SYTL3: variants seen among roughly 807,000 people sequenced by gnomAD.
The protein encoded by SYTL3 is synaptotagmin like 3.
SYTL3 carries 88 observed loss-of-function variants against 82.1 expected under a neutral mutation model. The observed-to-expected ratio is 1.07, with a 90% CI of 0.90 to 1.28. SYTL3 has a LOEUF of 1.28. Among genes scored for constraint, SYTL3 ranks in the 50% most tolerant of loss-of-function variants. The pLI, the probability that SYTL3 is intolerant of heterozygous loss-of-function variation, is 0.00. For synonymous variants in SYTL3, 311 were observed against 289.4 expected, an observed-to-expected ratio of 1.07 and a Z score of -0.76; for missense variants, 831 against 757.6, an observed-to-expected ratio of 1.10 and a Z score of -1.14.
intron 8 of SYTL3, among the ~76,000 whole-genome samples, chr6:158,710,916 G>A (rs539164095): frequency 1.5e-4 from 23 of 152,232 alleles, no homozygotes; most frequent in Non-Finnish European, 3.1e-4. Flanking sequence ...GAGTAGCTGG[G>A]ATTACAGGCA....
At chr6:158,734,114 A>AG (rs1352721669) in intron 11 of SYTL3, among the ~76,000 whole-genome samples, 4 of 150,886 alleles carry the variant, frequency 2.7e-5, no homozygotes, top group Non-Finnish European at 5.9e-5. Flanking sequence ...AAAAAAAAAA[A>AG]AAGAAGCACC....
intron 5 of SYTL3, among the ~76,000 whole-genome samples, chr6:158,676,616 G>T (rs1163194412): frequency 6.6e-6 from 1 of 152,026 alleles, no homozygotes; most frequent in African/African-American, 2.4e-5. Context: ...GAGTGAACAG[G>T]CAACCTACAG....
intron 6 of SYTL3, among the ~76,000 whole-genome samples, chr6:158,694,026 C>T (rs534991105): frequency 5.9e-5 from 9 of 151,998 alleles, no homozygotes; most frequent in Admixed American, 3.9e-4. Flanking sequence ...GGATCCTATT[C>T]TTGAATATTT....
intron 6 of SYTL3, among the ~76,000 whole-genome samples, chr6:158,703,235 C>T (rs188256339): frequency 9.2e-5 from 14 of 152,016 alleles, no homozygotes; most frequent in African/African-American, 1.4e-4. Flanking sequence ...TGCTCCGCGC[C>T]GTGCCTGGCA....
At chr6:158,697,467 C>A (rs1050397124) in intron 6 of SYTL3, among the ~76,000 whole-genome samples, 1 of 151,858 alleles carries the variant, frequency 6.6e-6, no homozygotes, top group African/African-American at 2.4e-5. Context: ...GGGAAAGATT[C>A]ACGACATTGG....
At chr6:158,688,263 T>C (rs1583238019) in intron 6 of SYTL3, among the ~76,000 whole-genome samples, 1 of 152,166 alleles carries the variant, frequency 6.6e-6, no homozygotes, top group African/African-American at 2.4e-5. Flanking sequence ...TTGACATGTC[T>C]GTTTATTTTT....
chr6:158,758,789 C>T (rs190217892), intron 14 of SYTL3, among the ~76,000 whole-genome samples: 147 of 152,308 alleles, frequency 9.7e-4, no homozygotes, highest in Admixed American at 2.6e-3. Flanking sequence ...ACCCAAAACC[C>T]ACCTCCTCCA....
At chr6:158,692,628 G>A (rs377331931) in intron 6 of SYTL3, among the ~76,000 whole-genome samples, 1 of 151,906 alleles carries the variant, frequency 6.6e-6, no homozygotes, top group Non-Finnish European at 1.5e-5. Flanking sequence ...AAACACTCAG[G>A]CTCATGAATT....
intron 9 of SYTL3, among the ~76,000 whole-genome samples, chr6:158,715,281 G>A (rs552885730): frequency 8.5e-4 from 130 of 152,198 alleles, no homozygotes; most frequent in African/African-American, 3.1e-3. Flanking sequence ...TATAGAATCA[G>A]TGCCTTGGAG....
At chr6:158,756,001 G>A (rs1187789105) in intron 13 of SYTL3, among the ~76,000 whole-genome samples, 3 of 152,294 alleles carry the variant, frequency 2.0e-5, no homozygotes, top group African/African-American at 4.8e-5. Flanking sequence ...CATAGGGTGC[G>A]TGTGAAAGCT....
intron 17 of SYTL3, 54 bp downstream of exon 17, chr6:158,763,563 G>C: frequency 4.7e-6 from 7 of 1,492,564 alleles, no homozygotes; most frequent in Non-Finnish European, 6.5e-6. Context: ...ATCCTAATGG[G>C]TACCGTGCAA....
rs377532237 is a variant in SYTL3, at chr6:158,758,712, G to A, written c.1308+1331G>A. On this transcript the variant is annotated intron_variant, in intron 14 of 17. Coordinates refer to ENST00000611299, the MANE Select transcript of SYTL3 (RefSeq NM_001242394.2). Reference sequence around the variant, plus strand: ...TGCTGACTCCCCCAAGCTAGAGTCCGGGCTTAGACCTCCCCTTCCCAGTGC... The same window carrying A: ...TGCTGACTCCCCCAAGCTAGAGTCCAGGCTTAGACCTCCCCTTCCCAGTGC... Among the ~76,000 whole-genome samples, 52 of 152,126 alleles carry A rather than the reference G, an allele frequency of 3.4e-4. 1 individual carries two copies. In the East Asian group the frequency reaches 7.4e-3, roughly 22 times the overall value.
At chr6:158,709,317 C>T (rs113243987) in intron 8 of SYTL3, among the ~76,000 whole-genome samples, 7 of 152,272 alleles carry the variant, frequency 4.6e-5, no homozygotes, top group East Asian at 1.9e-4. Context: ...CGAACACTTG[C>T]GTTAGCCTAC....
chr6:158,692,257 CAAAAAAAAAAAAAAAAAAAAAAAAA>C lies in SYTL3; in HGVS notation c.394+9282_394+9306del, dbSNP rs571381475. On this transcript the variant is annotated intron_variant, in intron 6 of 17. Transcript: ENST00000611299. ...TGGGCGACAGAGCGAGACTCCGTCT[CAAAAAAAAAAAAAAAAAAAAAAAAA>C]AAAAAAAAAAAAAGGGTTAAATGTA... 1.9e-4 allele frequency among the ~76,000 whole-genome samples: 6 copies of C among 32,196 alleles called. No individual in the cohort carries two copies. The Admixed American group carries it at 4.2e-3, about 23-fold the overall frequency. 21.1% of individuals were successfully genotyped at this position (32,196 alleles called of 152,430 possible).
At position 158,701,262 on chromosome 6, in the gene SYTL3, GGGTGTAGAT is replaced by G. The variant is rs1781221512; in HGVS notation, c.395-5966_395-5958del. Among the ~76,000 whole-genome samples, 16 of 6,520 alleles carry G rather than the reference GGGTGTAGAT, an allele frequency of 2.5e-3. 5 individuals carry two copies. The highest frequency in any genetic ancestry group is 6.6e-3 in the African/African-American group (5 of 754). 4.3% of individuals were successfully genotyped at this position (6,520 alleles called of 152,430 possible). ...GGTGTAGATGAAGGAGTGTGAGCTG[GGGTGTAGAT>G]GAAGGAGTGTGAGCTGGGGTGTAGA... On this transcript the variant is annotated intron_variant, in intron 6 of 17. Coordinates refer to ENST00000611299, the MANE Select transcript of SYTL3 (RefSeq NM_001242394.2).
chr6:158,724,889 C>A (rs910520671), intron 10 of SYTL3, among the ~76,000 whole-genome samples: 1 of 152,156 alleles, frequency 6.6e-6, no homozygotes. Flanking sequence ...GTGGCACATG[C>A]CTGTGGTCCC....
chr6:158,733,091 T>A (rs949605356), intron 11 of SYTL3, among the ~76,000 whole-genome samples: 1 of 152,172 alleles, frequency 6.6e-6, no homozygotes, highest in Non-Finnish European at 1.5e-5. Flanking sequence ...CCTTCAAGCC[T>A]CCTTGCTTTG....
At chr6:158,742,277 A>G (rs930040183) in intron 11 of SYTL3, among the ~76,000 whole-genome samples, 6 of 152,260 alleles carry the variant, frequency 3.9e-5, no homozygotes, top group African/African-American at 1.2e-4. Context: ...AATTCCAACA[A>G]TGCAAAAACT....
intron 2 of SYTL3, among the ~76,000 whole-genome samples, chr6:158,656,724 CA>C (rs762659950): frequency 1.4e-3 from 196 of 136,002 alleles, no homozygotes; most frequent in East Asian, 2.3e-3. Context: ...GACTCTGTCT[CA>C]AAAAAAAAAA....
Sources: allele counts gnomAD v4.1 joint callset (sites outside exome capture counted in the v4.1 genomes callset), GRCh38; gene constraint gnomAD v4.1.1; transcripts MANE v1.5; gene names NCBI Gene and HGNC (gene_info 2026-07-23, HGNC 2026-07-21).